Variants in HNF4G observed in about 807,000 individuals in gnomAD.
HNF4G encodes the protein hepatocyte nuclear factor 4 gamma, also known as hepatocyte nuclear factor 4-gamma.
HNF4G carries 21 observed loss-of-function variants against 50.9 expected under a neutral mutation model. The observed-to-expected ratio is 0.41, with a 90% CI of 0.29 to 0.59. The LOEUF (loss-of-function observed/expected upper bound fraction) is 0.59, where lower values mean the gene tolerates loss of function less well. Ranked by LOEUF, HNF4G falls within the 20% of genes least tolerant of loss-of-function variation. The pLI, the probability that HNF4G is intolerant of heterozygous loss-of-function variation, is 0.26. For missense variants in HNF4G, 527 were observed against 559.4 expected (o/e 0.94, Z 0.58); for synonymous variants, 198 against 185.6 (o/e 1.07, Z -0.54).
chr8:75,413,115 A>T (rs1023803770), intron 1 of HNF4G, among the ~76,000 whole-genome samples: 1 of 151,806 alleles, frequency 6.6e-6, no homozygotes, highest in Admixed American at 6.6e-5. Flanking sequence ...TGGGGAAGGA[A>T]CACTGGGCCA....
chr8:75,431,658 T>G (rs1317645857), intron 1 of HNF4G, among the ~76,000 whole-genome samples: 1 of 152,172 alleles, frequency 6.6e-6, no homozygotes, highest in Non-Finnish European at 1.5e-5. Flanking sequence ...CCCGGCACAG[T>G]GGCTCACGCC....
chr8:75,440,883 G>C (rs1811263746), intron 1 of HNF4G, among the ~76,000 whole-genome samples: 1 of 151,718 alleles, frequency 6.6e-6, no homozygotes, highest in Non-Finnish European at 1.5e-5. Flanking sequence ...TTTGAGACAG[G>C]ATCTTGCTAT....
intron 8 of HNF4G, among the ~76,000 whole-genome samples, chr8:75,559,305 C>T (rs1396313269): frequency 1.9e-4 from 28 of 148,768 alleles, no homozygotes; most frequent in African/African-American, 6.9e-4. Flanking sequence ...GACAGAGTCT[C>T]GCTCAGTCGC....
At chr8:75,460,332 TAATCTATAA>T (rs1209878426) in intron 1 of HNF4G, among the ~76,000 whole-genome samples, 5 of 152,172 alleles carry the variant, frequency 3.3e-5, no homozygotes, top group Admixed American at 2.6e-4. Flanking sequence ...AGTTTACATT[TAATCTATAA>T]ATGCAAACCA....
intron 2 of HNF4G, among the ~76,000 whole-genome samples, chr8:75,520,687 C>T (rs1806015806): frequency 1.3e-5 from 2 of 152,114 alleles, no homozygotes; most frequent in African/African-American, 4.8e-5. Context: ...ATCCATGCCC[C>T]TCAGTCTCCC....
At chr8:75,548,629 C>G (rs1183469120) in intron 3 of HNF4G, among the ~76,000 whole-genome samples, 1 of 152,152 alleles carries the variant, frequency 6.6e-6, no homozygotes, top group Non-Finnish European at 1.5e-5. Context: ...ATGTATTGAA[C>G]ACATTGTAAA....
At chr8:75,515,019 C>T (rs563899266) in intron 2 of HNF4G, among the ~76,000 whole-genome samples, 13 of 152,072 alleles carry the variant, frequency 8.5e-5, no homozygotes, top group Non-Finnish European at 1.6e-4. Context: ...TTAAGGATTA[C>T]CTCCTGTTTA....
At chr8:75,414,692 T>C (rs1416970220) in intron 1 of HNF4G, among the ~76,000 whole-genome samples, 3 of 152,246 alleles carry the variant, frequency 2.0e-5, no homozygotes, top group Non-Finnish European at 4.4e-5. Context: ...ATTATTTTGA[T>C]ATGCATTTAT....
At chr8:75,441,394 C>T (rs555733039) in intron 1 of HNF4G, among the ~76,000 whole-genome samples, 8 of 151,944 alleles carry the variant, frequency 5.3e-5, no homozygotes, top group South Asian at 2.1e-4. Flanking sequence ...TGCAGGTGTG[C>T]GCCACCACAC....
chr8:75,445,299 T>C (rs1399545576), intron 1 of HNF4G, among the ~76,000 whole-genome samples: 2 of 53,120 alleles, frequency 3.8e-5, no homozygotes, highest in Non-Finnish European at 7.2e-5. Context: ...GGGAAATTTA[T>C]AGCACTAAAT....
chr8:75,521,832 T>C (rs1043449990), intron 2 of HNF4G, among the ~76,000 whole-genome samples: 1 of 152,192 alleles, frequency 6.6e-6, no homozygotes, highest in African/African-American at 2.4e-5. Context: ...CTTTTAAAGT[T>C]ATAGTCACTC....
intron 1 of HNF4G, among the ~76,000 whole-genome samples, chr8:75,439,384 C>G (rs1485231679): frequency 2.6e-5 from 4 of 151,952 alleles, no homozygotes. Context: ...CCAAAGTACT[C>G]TATCAGATTC....
At chr8:75,476,948 T>C (rs1338371750) in intron 1 of HNF4G, among the ~76,000 whole-genome samples, 3 of 152,208 alleles carry the variant, frequency 2.0e-5, no homozygotes, top group East Asian at 1.9e-4. Context: ...ATAGATTCAA[T>C]TGAAAACTAA....
intron 1 of HNF4G, among the ~76,000 whole-genome samples, chr8:75,542,535 GAAA>G (rs71567128): frequency 0.038 from 3,034 of 80,460 alleles, 89 homozygotes; most frequent in African/African-American, 0.11. Flanking sequence ...CAATGACGAC[GAAA>G]AAAAAAAAAA....
intron 1 of HNF4G, among the ~76,000 whole-genome samples, chr8:75,478,956 A>C (rs565341482): frequency 7.9e-5 from 12 of 152,260 alleles, no homozygotes; most frequent in African/African-American, 2.9e-4. Context: ...TCCCGACCTC[A>C]GGTGATCTGC....
intron 1 of HNF4G, among the ~76,000 whole-genome samples, chr8:75,431,158 T>C (rs955589317): frequency 1.3e-5 from 2 of 151,996 alleles, no homozygotes; most frequent in African/African-American, 4.8e-5. Context: ...GAAAATTATA[T>C]AGAAGGTAGA....
intron 2 of HNF4G, among the ~76,000 whole-genome samples, chr8:75,490,380 C>A (rs28362078): frequency 0.23 from 34,587 of 152,068 alleles, 5,137 homozygotes; most frequent in African/African-American, 0.42. Flanking sequence ...TCCTTCCTAT[C>A]TTTTATTGCA....
chr8:75,494,330 A>T (rs899894697), intron 2 of HNF4G, among the ~76,000 whole-genome samples: 2 of 151,580 alleles, frequency 1.3e-5, no homozygotes, highest in Non-Finnish European at 3.0e-5. Context: ...ACACACACAC[A>T]CACACACACA....
At chr8:75,536,254 A>G (rs1164160447), upstream of HNF4G, among the ~76,000 whole-genome samples, 1 of 151,980 alleles carries the variant, frequency 6.6e-6, no homozygotes, top group East Asian at 1.9e-4. Flanking sequence ...ATATCTTTAG[A>G]AAATGTGTGC....
Sources: allele counts gnomAD v4.1 joint callset (sites outside exome capture counted in the v4.1 genomes callset), GRCh38; gene constraint gnomAD v4.1.1; transcripts MANE v1.5; gene names NCBI Gene and HGNC (gene_info 2026-07-23, HGNC 2026-07-21).